The following UBP1 variants were observed in gnomAD, a reference collection of about 807,000 sequenced individuals.
The protein encoded by UBP1 is upstream-binding protein 1.
UBP1 carries 22 observed loss-of-function variants against 76.1 expected under a neutral mutation model. That is an observed-to-expected ratio of 0.29 (90% confidence interval 0.21 to 0.41). The LOEUF (loss-of-function observed/expected upper bound fraction) is 0.41, where lower values mean the gene tolerates loss of function less well. UBP1 is among the 10% of genes least tolerant of loss of function. The pLI, the probability that UBP1 is intolerant of heterozygous loss-of-function variation, is 1.00. For synonymous variants in UBP1, 224 were observed against 237.1 expected (o/e 0.94, Z 0.51); for missense variants, 436 against 668.1 (o/e 0.65, Z 3.83).
intron 8 of UBP1, among the ~76,000 whole-genome samples, chr3:33,404,582 G>A (rs953982732): frequency 6.6e-6 from 1 of 151,890 alleles, no homozygotes; most frequent in African/African-American, 2.4e-5. Flanking sequence ...GGGAAGGGGA[G>A]GCTGCAGTGA....
chr3:33,426,170 G>C (rs1281083234), intron 1 of UBP1, among the ~76,000 whole-genome samples: 1 of 151,588 alleles, frequency 6.6e-6, no homozygotes, highest in African/African-American at 2.4e-5. Flanking sequence ...GGTCACACTT[G>C]ACACCATAGA....
intron 10 of UBP1, 43 bp downstream of exon 10, chr3:33,400,919 G>C: frequency 6.4e-7 from 1 of 1,568,666 alleles, no homozygotes; most frequent in Non-Finnish European, 8.6e-7. Context: ...TTAAAATGTA[G>C]AACCCTGAAA....
rs529301680 is a variant in UBP1 at position 33,418,910 on chromosome 3, A to C, written c.266-2076T>G. ...TTGCTAACAAATGTCCAGTATCCCT[A>C]GAAGAAAAAAATGAGCAAATGAAAT... On this transcript the variant is annotated intron_variant, in intron 2 of 15. Transcript: ENST00000283629. Among the ~76,000 whole-genome samples, 16 of 151,864 alleles carry C rather than the reference A, an allele frequency of 1.1e-4. No individual in the cohort carries two copies. In the East Asian group the frequency reaches 2.5e-3, roughly 24 times the overall value.
chr3:33,396,350 C>T, intron 12 of UBP1, 70 bp from the exon 13 acceptor site: 2 of 1,124,072 alleles, frequency 1.8e-6, no homozygotes, highest in South Asian at 3.4e-5. Flanking sequence ...AATATGACAA[C>T]TACAGGAATC....
chr3:33,409,529 C>G lies in UBP1; in HGVS notation c.628G>C (p.Val210Leu). The change falls in exon 6 of 16, where the codon GTT becomes CTT. Residue 210 changes from valine to leucine, a missense_variant. This residue lies in a region of UBP1 where 65 missense variants were observed against 157.4 expected (regional missense o/e 0.41). Transcript: ENST00000283629. ...TTTTCATTCTGCTTAAAGGTGTCAA[C>G]CTGGATCCTAAAGGGCACTCCCTTT... ...GEKGVPFRIQVDTFKQNENGE... is the reference protein window; with the variant it reads ...GEKGVPFRIQLDTFKQNENGE... 5.6e-6 allele frequency: 9 copies of G among 1,614,170 alleles called. No individual in the cohort carries two copies. The highest frequency in any genetic ancestry group is 7.6e-6 in the Non-Finnish European group (9 of 1,180,030).
At chr3:33,392,986 A>G (rs1559663719) in intron 14 of UBP1, 2 of 319,666 alleles carry the variant, frequency 6.3e-6, no homozygotes, top group East Asian at 5.4e-5. Context: ...TAGTCATCAA[A>G]TAATAGACAA....
At position 33,411,575 on chromosome 3, in the gene UBP1, C is replaced by G; in HGVS notation, c.555+6G>C. The G allele has an allele frequency of 6.2e-7, 1 of 1,613,516 alleles. No homozygotes were observed. The highest frequency in any genetic ancestry group is 1.1e-5 in the South Asian group (1 of 91,044). Reference sequence around the variant, plus strand: ...AGTAAGCTTCTAATAATGTAAAAATCCAAACCTGAATGAAAGCAGAGGTGC... The same window carrying G: ...AGTAAGCTTCTAATAATGTAAAAATGCAAACCTGAATGAAAGCAGAGGTGC... On this transcript the variant is annotated splice_donor_region_variant and intron_variant, in intron 5 of 15. Coordinates refer to ENST00000283629, the MANE Select transcript of UBP1 (RefSeq NM_014517.5).
At chr3:33,404,052 G>C (rs1030415993) in intron 8 of UBP1, among the ~76,000 whole-genome samples, 1 of 152,156 alleles carries the variant, frequency 6.6e-6, no homozygotes, top group Non-Finnish European at 1.5e-5. Context: ...CTTGAGCCCA[G>C]GAGTTCAAGA....
chr3:33,430,233 AC>A (rs1279761837), intron 1 of UBP1, among the ~76,000 whole-genome samples: 1 of 152,204 alleles, frequency 6.6e-6, no homozygotes, highest in Admixed American at 6.5e-5. Context: ...ACCTACCCAA[AC>A]TGAGGAAAGA....
rs562127897 is a variant in UBP1, at chr3:33,408,528, A to G, written c.927+162T>C. ...GTGTTAGATTTAGGAAATTTTCCTC[A>G]GTGAGGAACAAACAGAAGCAGGAAG... is the stretch of plus-strand genomic sequence containing the variant. On this transcript the variant is annotated intron_variant, in intron 8 of 15. Coordinates refer to ENST00000283629, the MANE Select transcript of UBP1 (RefSeq NM_014517.5). Among the ~76,000 whole-genome samples, 116 of 152,260 alleles carry G rather than the reference A, an allele frequency of 7.6e-4. 1 individual carries two copies. The highest frequency in any genetic ancestry group is 1.3e-3 in the Non-Finnish European group (91 of 68,018).
chr3:33,425,780 T>A, intron 1 of UBP1, 39 bp from the exon 2 acceptor site: 1 of 1,544,862 alleles, frequency 6.5e-7, no homozygotes. Flanking sequence ...TACTTTGGGT[T>A]TGAAATATTT....
At chr3:33,433,970 G>C (rs562599680) in intron 1 of UBP1, among the ~76,000 whole-genome samples, 4 of 150,206 alleles carry the variant, frequency 2.7e-5, no homozygotes, top group East Asian at 3.9e-4. Flanking sequence ...CTACAGCTAA[G>C]AAAAAAAAAG....
At chr3:33,407,948 AT>A (rs2044470877) in intron 8 of UBP1, among the ~76,000 whole-genome samples, 1 of 152,220 alleles carries the variant, frequency 6.6e-6, no homozygotes, top group African/African-American at 2.4e-5. Flanking sequence ...GAGTCATGTC[AT>A]AAAATAAAGA....
chr3:33,438,264 G>C (rs986047696), intron 1 of UBP1, among the ~76,000 whole-genome samples: 1 of 152,208 alleles, frequency 6.6e-6, no homozygotes, highest in African/African-American at 2.4e-5. Context: ...CTATCAATAA[G>C]TAAACTTTTC....
intron 2 of UBP1, among the ~76,000 whole-genome samples, chr3:33,418,404 G>A (rs1359535080): frequency 1.3e-5 from 2 of 151,922 alleles, no homozygotes; most frequent in African/African-American, 2.4e-5. Flanking sequence ...ACAGGTGCCC[G>A]CCACCACGCC....
chr3:33,423,944 C>CCAATAA lies in UBP1; in HGVS notation c.265+1645_265+1646insTTATTG, dbSNP rs2044963581. Among the ~76,000 whole-genome samples the CCAATAA allele has an allele frequency of 2.6e-5, 4 of 152,344 alleles. No individual in the cohort carries two copies. The South Asian group carries it at 8.3e-4, about 32-fold the overall frequency. ...AAGAACAACCATGATAAATTATGGG[C>CCAATAA]ATTCCCCCAGGCCAATAAATGCACA... On this transcript the variant is annotated intron_variant, in intron 2 of 15. Coordinates refer to ENST00000283629, the MANE Select transcript of UBP1 (RefSeq NM_014517.5).
intron 1 of UBP1, among the ~76,000 whole-genome samples, chr3:33,436,774 G>A (rs4678584): frequency 0.38 from 57,377 of 151,962 alleles, 11,777 homozygotes; most frequent in East Asian, 0.6. Flanking sequence ...TTCACAAAAC[G>A]AGAATGACCC....
chr3:33,426,007 A>ATG (rs1358822598), intron 1 of UBP1, among the ~76,000 whole-genome samples: 1 of 79,160 alleles, frequency 1.3e-5, no homozygotes, highest in Non-Finnish European at 2.5e-5. Flanking sequence ...ATATATATAT[A>ATG]TATATATATA....
chr3:33,433,305 C>A (rs2045145189), intron 1 of UBP1, among the ~76,000 whole-genome samples: 1 of 149,302 alleles, frequency 6.7e-6, no homozygotes, highest in Admixed American at 6.7e-5. Flanking sequence ...AAGAGATCCA[C>A]CCACCTCAGT....
Sources: allele counts gnomAD v4.1 joint callset (sites outside exome capture counted in the v4.1 genomes callset), GRCh38; gene constraint gnomAD v4.1.1; regional missense constraint gnomAD v4.1.1; transcripts MANE v1.5; gene names NCBI Gene and HGNC (gene_info 2026-07-23, HGNC 2026-07-21).